The following FARP1 variants were observed in gnomAD, a reference collection of about 807,000 sequenced individuals.
FARP1 encodes the protein FERM, ARH/RhoGEF and pleckstrin domain protein 1.
Under a neutral mutation model 128.8 loss-of-function variants are expected in FARP1, and 52 were observed. That is an observed-to-expected ratio of 0.40 (90% CI 0.32 to 0.51). FARP1 has a LOEUF of 0.51. FARP1 is among the 20% of genes least tolerant of loss of function. The probability of loss-of-function intolerance (pLI) is 0.45; values close to 1 mark genes in which losing one functional copy is unlikely to be tolerated. For synonymous variants in FARP1, 580 were observed against 551.8 expected (o/e 1.05, Z -0.72); for missense variants, 1,333 against 1,367.9 (o/e 0.97, Z 0.40).
chr13:98,154,212 A>G (rs1594206452), intron 1 of FARP1, among the ~76,000 whole-genome samples: 1 of 152,200 alleles, frequency 6.6e-6, no homozygotes, highest in Non-Finnish European at 1.5e-5. Flanking sequence ...GTTTGGAGCA[A>G]TTATGAATAG....
chr13:98,445,505 T>C (rs1184891594), intron 24 of FARP1: 8 of 152,258 alleles, frequency 5.3e-5, no homozygotes, highest in African/African-American at 1.9e-4. Context: ...AACTGCCTCC[T>C]GGGCCACTAG....
intron 2 of FARP1, among the ~76,000 whole-genome samples, chr13:98,217,634 G>A (rs1189572318): frequency 2.0e-5 from 3 of 152,200 alleles, no homozygotes; most frequent in Non-Finnish European, 4.4e-5. Flanking sequence ...GAGGGGCCCT[G>A]TACACCGGGA....
At chr13:98,320,592 C>CT (rs1247859432) in intron 2 of FARP1, among the ~76,000 whole-genome samples, 3 of 152,046 alleles carry the variant, frequency 2.0e-5, no homozygotes, top group African/African-American at 7.2e-5. Flanking sequence ...ATTTAACTTG[C>CT]TTTTTTGGTA....
At chr13:98,182,824 G>T (rs1566712668) in intron 1 of FARP1, among the ~76,000 whole-genome samples, 1 of 152,184 alleles carries the variant, frequency 6.6e-6, no homozygotes, top group Non-Finnish European at 1.5e-5. Flanking sequence ...GATATTTCTG[G>T]AAGAGAAAGC....
chr13:98,431,411 C>A, intron 18 of FARP1, 131 bp downstream of exon 18: 1 of 592,968 alleles, frequency 1.7e-6, no homozygotes, highest in Non-Finnish European at 2.9e-6. Flanking sequence ...AGGTTTTCAT[C>A]AGGGTGGGCG....
chr13:98,236,562 G>GA (rs1034332389), intron 2 of FARP1, among the ~76,000 whole-genome samples: 1 of 151,626 alleles, frequency 6.6e-6, no homozygotes, highest in Non-Finnish European at 1.5e-5. Flanking sequence ...GTGACAATTT[G>GA]AAAAAAACAG....
At chr13:98,407,641 T>C (rs561483578) in intron 13 of FARP1, 1 of 152,350 alleles carries the variant, frequency 6.6e-6, no homozygotes, top group African/African-American at 2.4e-5. Context: ...GCAAGCTTAC[T>C]GAATCTGCCT....
intron 1 of FARP1, among the ~76,000 whole-genome samples, chr13:98,174,857 CAT>C (rs1251846305): frequency 1.1e-4 from 16 of 152,286 alleles, no homozygotes; most frequent in African/African-American, 3.6e-4. Context: ...GGTAAAGTAA[CAT>C]ACCCAAGGTC....
At chr13:98,294,889 C>A (rs1049311923) in intron 2 of FARP1, among the ~76,000 whole-genome samples, 2 of 151,758 alleles carry the variant, frequency 1.3e-5, no homozygotes, top group African/African-American at 4.8e-5. Flanking sequence ...TGGTGGAGGG[C>A]ACCTGTAATT....
rs144202718 is a variant in FARP1, at chr13:98,271,456, C to T, written c.171+58043C>T. On this transcript the variant is annotated intron_variant, in intron 2 of 26. Coordinates refer to ENST00000319562, the MANE Select transcript of FARP1 (RefSeq NM_005766.4). Reference sequence around the variant, plus strand: ...ATGTGTAGAACGTGCAGGTTTGTTACATAGGTATACATGTGCCATGGTGGT... The same window carrying T: ...ATGTGTAGAACGTGCAGGTTTGTTATATAGGTATACATGTGCCATGGTGGT... Among the ~76,000 whole-genome samples the T allele has an allele frequency of 1.5e-3, 233 of 152,134 alleles. 1 individual carries two copies. The highest frequency in any genetic ancestry group is 5.0e-3 in the African/African-American group (208 of 41,494).
At chr13:98,195,764 C>T (rs1229316016) in intron 1 of FARP1, among the ~76,000 whole-genome samples, 6 of 152,164 alleles carry the variant, frequency 3.9e-5, no homozygotes, top group African/African-American at 1.2e-4. Context: ...TGGTGACTCA[C>T]ACTTGCAATC....
At chr13:98,356,146 T>A in intron 3 of FARP1, among the ~76,000 whole-genome samples, 1 of 152,232 alleles carries the variant, frequency 6.6e-6, no homozygotes, top group Non-Finnish European at 1.5e-5. Flanking sequence ...ATTTTCTGCC[T>A]ACATACTAAT....
intron 1 of FARP1, among the ~76,000 whole-genome samples, chr13:98,164,914 T>C (rs913531391): frequency 1.3e-5 from 2 of 151,972 alleles, no homozygotes; most frequent in Non-Finnish European, 2.9e-5. Flanking sequence ...ATCCCATCCC[T>C]ACTAAAAATA....
chr13:98,427,429 C>T (rs1010972681), intron 17 of FARP1, among the ~76,000 whole-genome samples: 30 of 152,324 alleles, frequency 2.0e-4, no homozygotes, highest in African/African-American at 7.2e-4. Flanking sequence ...CAGCTTTTCT[C>T]CCTGTGTTCT....
rs771353711 is a variant in FARP1 at position 98,177,275 on chromosome 13, A to ACCCTTGCGTCG, written c.-24+33796_-24+33806dup. 330 of 1,480,536 alleles carry ACCCTTGCGTCG rather than the reference A, an allele frequency of 2.2e-4. 1 individual carries two copies. The highest frequency in any genetic ancestry group is 1.4e-3 in the Admixed American group (60 of 44,242). 91.7% of individuals were successfully genotyped at this position (1,480,536 alleles called of 1,614,324 possible). A position where few individuals can be genotyped will look rare whatever the true frequency, so the allele number is the denominator to read the frequency against. ...GCTCCCAACGGCCGTGGCGTGCGTC[A>ACCCTTGCGTCG]CCCTTGCGTCGCCCTTGCGTCGCTG... On this transcript the variant is annotated intron_variant, in intron 1 of 26. Transcript: ENST00000319562.
At chr13:98,384,883 G>A (rs772310218) in intron 7 of FARP1, 39 bp downstream of exon 7, 1 of 1,285,438 alleles carries the variant, frequency 7.8e-7, no homozygotes, top group Non-Finnish European at 1.1e-6. Context: ...CTCTGAGCCG[G>A]TTCTCTCTGC....
chr13:98,178,354 C>G (rs192788917), intron 1 of FARP1, among the ~76,000 whole-genome samples: 54 of 152,204 alleles, frequency 3.5e-4, no homozygotes, highest in Admixed American at 1.7e-3. Context: ...TGCCACCACA[C>G]CCAGCTAACT....
At chr13:98,193,250 G>A (rs993947846) in intron 1 of FARP1, among the ~76,000 whole-genome samples, 5 of 152,104 alleles carry the variant, frequency 3.3e-5, no homozygotes, top group Non-Finnish European at 7.4e-5. Context: ...TAGAGACAGG[G>A]TTTCACCATA....
intron 9 of FARP1, among the ~76,000 whole-genome samples, chr13:98,389,235 G>T (rs2772356): frequency 0.23 from 34,867 of 152,136 alleles, 4,397 homozygotes; most frequent in African/African-American, 0.34. Context: ...CCAAAAAGCT[G>T]CCTTATAGAT....
Sources: allele counts gnomAD v4.1 joint callset (sites outside exome capture counted in the v4.1 genomes callset), GRCh38; gene constraint gnomAD v4.1.1; transcripts MANE v1.5; gene names NCBI Gene and HGNC (gene_info 2026-07-23, HGNC 2026-07-21).